ZPBP: variants seen among roughly 807,000 people sequenced by gnomAD.
ZPBP encodes the protein zona pellucida binding protein, also known as zona pellucida-binding protein 1.
In ZPBP, 26 loss-of-function variants were observed where a neutral mutation model predicts 44.8. The observed-to-expected ratio is 0.58, with a 90% CI of 0.43 to 0.81. The LOEUF (loss-of-function observed/expected upper bound fraction) is 0.81, where lower values mean the gene tolerates loss of function less well. Ranked by LOEUF, ZPBP falls within the 30% of genes least tolerant of loss-of-function variation. The pLI is 0.00. For synonymous variants in ZPBP, 174 were observed against 153.2 expected (o/e 1.14, Z -1.00); for missense variants, 409 against 434.0 (o/e 0.94, Z 0.51).
chr7:49,922,897 C>A (rs953807418), intron 1 of ZPBP, among the ~76,000 whole-genome samples: 3 of 152,056 alleles, frequency 2.0e-5, no homozygotes, highest in Non-Finnish European at 4.4e-5. Context: ...GACTATAGGA[C>A]AAAATTGGAA....
At chr7:49,983,944 AT>A (rs60634235) in intron 6 of ZPBP, among the ~76,000 whole-genome samples, 29,045 of 151,976 alleles carry the variant, frequency 0.19, 3,155 homozygotes, top group African/African-American at 0.29. Flanking sequence ...AAACAAAAAA[AT>A]ATATAACTTC....
At chr7:50,033,055 G>T (rs1300725925) in intron 4 of ZPBP, among the ~76,000 whole-genome samples, 1 of 151,842 alleles carries the variant, frequency 6.6e-6, no homozygotes, top group African/African-American at 2.4e-5. Context: ...ATCACTTTTT[G>T]TTGAAAACAT....
chr7:49,906,450 C>CTCA, intron 1 of ZPBP, among the ~76,000 whole-genome samples: 1 of 152,118 alleles, frequency 6.6e-6, no homozygotes, highest in Non-Finnish European at 1.5e-5. Flanking sequence ...ATTTTCCTGC[C>CTCA]TCAGCCTCCC....
chr7:50,072,549 G>C (rs1055834143), intron 3 of ZPBP, among the ~76,000 whole-genome samples: 23 of 152,342 alleles, frequency 1.5e-4, no homozygotes, highest in African/African-American at 5.3e-4. Context: ...CCTGGCTTCA[G>C]GTCTGACCCA....
intron 4 of ZPBP, among the ~76,000 whole-genome samples, chr7:50,039,026 T>C (rs888540483): frequency 1.3e-5 from 2 of 152,238 alleles, no homozygotes; most frequent in African/African-American, 4.8e-5. Context: ...AAATGTGAAG[T>C]TTCTGACAAA....
chr7:49,886,167 T>C (rs567409330), intron 2 of ZPBP, among the ~76,000 whole-genome samples: 1 of 152,222 alleles, frequency 6.6e-6, no homozygotes, highest in Non-Finnish European at 1.5e-5. Flanking sequence ...CACACTGAAT[T>C]TGGGGCACCA....
intron 7 of ZPBP, among the ~76,000 whole-genome samples, chr7:49,970,995 G>A (rs1422832042): frequency 2.0e-5 from 3 of 152,070 alleles, no homozygotes; most frequent in South Asian, 2.1e-4. Flanking sequence ...AGTGAGCCAC[G>A]ATTGTGTCAC....
At chr7:49,985,119 T>C (rs537457975) in intron 6 of ZPBP, among the ~76,000 whole-genome samples, 37 of 152,210 alleles carry the variant, frequency 2.4e-4, no homozygotes, top group Non-Finnish European at 5.0e-4. Context: ...CAGCGTTGGT[T>C]CCCACCTTGA....
At chr7:50,043,509 A>G (rs1354767442) in intron 4 of ZPBP, among the ~76,000 whole-genome samples, 1 of 152,226 alleles carries the variant, frequency 6.6e-6, no homozygotes, top group Admixed American at 6.5e-5. Context: ...AAAGCAAAAA[A>G]TAGCAGGGGT....
In ZPBP at chr7:50,089,720, A is replaced by T; in HGVS notation, c.128-11T>A. ...GAACCAAGTGTCCAACTATCAAAAA[A>T]AAAGATCAACAATTTGTCTCATTAG... On this transcript the variant is annotated splice_polypyrimidine_tract_variant and intron_variant, in intron 1 of 7. Transcript: ENST00000046087. 6.2e-7 allele frequency: 1 copy of T among 1,600,324 alleles called. No homozygotes were observed. The highest frequency in any genetic ancestry group is 8.5e-7 in the Non-Finnish European group (1 of 1,169,726).
the ZPBP span, among the ~76,000 whole-genome samples, chr7:49,843,859 T>C: frequency 6.6e-6 from 1 of 152,084 alleles, no homozygotes; most frequent in Non-Finnish European, 1.5e-5. Context: ...GTGCAGAGGA[T>C]GAATGGAAAA....
chr7:50,059,587 C>A (rs1331756226), intron 3 of ZPBP, among the ~76,000 whole-genome samples: 1 of 152,078 alleles, frequency 6.6e-6, no homozygotes, highest in Non-Finnish European at 1.5e-5. Flanking sequence ...TGTATTTCAG[C>A]AGAAACACCT....
chr7:49,973,741 T>C (rs1796391037), intron 7 of ZPBP, among the ~76,000 whole-genome samples: 1 of 152,100 alleles, frequency 6.6e-6, no homozygotes, highest in Admixed American at 6.5e-5. Context: ...CTGGTGGTAA[T>C]ATAAAATGGT....
intron 2 of ZPBP, among the ~76,000 whole-genome samples, chr7:49,870,579 G>A (rs1562742882): frequency 6.6e-6 from 1 of 152,080 alleles, no homozygotes; most frequent in Non-Finnish European, 1.5e-5. Context: ...TGAATACAGG[G>A]CATGTCTTAC....
chr7:49,950,572 A>G (rs1795298435), intron 7 of ZPBP, among the ~76,000 whole-genome samples: 1 of 151,800 alleles, frequency 6.6e-6, no homozygotes, highest in Non-Finnish European at 1.5e-5. Flanking sequence ...AGACGTGTAT[A>G]TATGTATTTT....
chr7:49,925,419 T>C (rs1333364869), intron 1 of ZPBP, among the ~76,000 whole-genome samples: 1 of 151,962 alleles, frequency 6.6e-6, no homozygotes, highest in Non-Finnish European at 1.5e-5. Context: ...CATTGAGAGG[T>C]GGTAGTAGCT....
intron 3 of ZPBP, among the ~76,000 whole-genome samples, chr7:50,070,478 C>A (rs554377985): frequency 1.3e-5 from 2 of 152,318 alleles, no homozygotes; most frequent in South Asian, 4.1e-4. Flanking sequence ...GTGAAGCTCT[C>A]CCGTGGTGCG....
At chr7:49,980,571 G>A (rs1487786745) in intron 7 of ZPBP, among the ~76,000 whole-genome samples, 1 of 151,848 alleles carries the variant, frequency 6.6e-6, no homozygotes, top group Non-Finnish European at 1.5e-5. Flanking sequence ...ATGGCAGAAG[G>A]TGAAAGGCAG....
At chr7:49,934,018 G>A (rs1028795384), downstream of ZPBP, among the ~76,000 whole-genome samples, 13 of 147,870 alleles carry the variant, frequency 8.8e-5, no homozygotes, top group South Asian at 1.9e-3. Context: ...AAACCTACAC[G>A]TTGTGCACAT....
Sources: gnomAD v4.1 joint callset for allele counts (sites outside exome capture counted in the v4.1 genomes callset) on GRCh38, gnomAD v4.1.1 for gene constraint, MANE v1.5 for transcripts, NCBI Gene and HGNC (gene_info 2026-07-23, HGNC 2026-07-21) for gene names.